CTNNBIP1: variants seen among roughly 807,000 people sequenced by gnomAD.
The protein encoded by CTNNBIP1 is catenin beta interacting protein 1.
A neutral mutation model predicts 11.8 loss-of-function variants in CTNNBIP1; 7 were observed. That is an observed-to-expected ratio of 0.60 (90% CI 0.34 to 1.12). The LOEUF is 1.12. Ranked by LOEUF, CTNNBIP1 falls within the 50% of genes most tolerant of loss-of-function variation. The pLI is 0.03. For synonymous variants in CTNNBIP1, 58 were observed against 43.9 expected, an observed-to-expected ratio of 1.32 and a Z score of -1.26; for missense variants, 101 against 113.4, an observed-to-expected ratio of 0.89 and a Z score of 0.50.
Position 9,867,583 on chromosome 1 carries a change from C to T in CTNNBIP1, c.187+3604G>A, listed in dbSNP as rs889537802. On this transcript the variant is annotated intron_variant, in intron 5 of 5. Coordinates refer to ENST00000377263, the MANE Select transcript of CTNNBIP1 (RefSeq NM_020248.3). This position sits in a 1 kb window ranked among gnomAD's most constrained non-coding sequence, Gnocchi z 4.6. ...CTCAGACCCCCTGCTAGAGGAGTCC[C>T]GGGGTAGATGGAGCCTCCTCTGGCT... 6.6e-5 allele frequency among the ~76,000 whole-genome samples: 10 copies of T among 152,150 alleles called. No homozygotes were observed. Among genetic ancestry groups the T allele is most frequent in the Admixed American group, 2.0e-4 (3 of 15,280 alleles).
intron 5 of CTNNBIP1, among the ~76,000 whole-genome samples, chr1:9,863,312 C>T (rs961921582): frequency 1.3e-5 from 2 of 152,148 alleles, no homozygotes; most frequent in African/African-American, 4.8e-5. Context: ...ACAGGTAATT[C>T]TCATATAAGT....
intron 5 of CTNNBIP1, among the ~76,000 whole-genome samples, chr1:9,866,732 C>T (rs575613514): frequency 6.6e-6 from 1 of 151,452 alleles, no homozygotes; most frequent in Non-Finnish European, 1.5e-5. Context: ...TCTAAGCCTC[C>T]AAAAGTCTCT....
chr1:9,882,414 G>C (rs1314977102), intron 2 of CTNNBIP1, among the ~76,000 whole-genome samples: 1 of 152,220 alleles, frequency 6.6e-6, no homozygotes, highest in Non-Finnish European at 1.5e-5. Flanking sequence ...TGAAGGTTAA[G>C]TTTGAGTCGC....
intron 1 of CTNNBIP1, among the ~76,000 whole-genome samples, chr1:9,892,671 CATAAAG>C (rs1163887484): frequency 1.3e-5 from 2 of 152,094 alleles, no homozygotes; most frequent in Non-Finnish European, 2.9e-5. Flanking sequence ...TGTTAATTTG[CATAAAG>C]ATATAGGTGT....
intron 5 of CTNNBIP1, among the ~76,000 whole-genome samples, chr1:9,855,604 C>G (rs1410300066): frequency 6.6e-6 from 1 of 152,088 alleles, no homozygotes; most frequent in Non-Finnish European, 1.5e-5. Flanking sequence ...GGACTCTTAC[C>G]TTGCAGCATC....
intron 5 of CTNNBIP1, among the ~76,000 whole-genome samples, chr1:9,864,955 G>A (rs550798721): frequency 4.9e-4 from 75 of 152,362 alleles, no homozygotes; most frequent in African/African-American, 1.5e-3. Flanking sequence ...TGGGCTGGGC[G>A]CAGTGGCTCA....
chr1:9,885,259 T>G (rs1478815703), intron 1 of CTNNBIP1, among the ~76,000 whole-genome samples: 1 of 152,084 alleles, frequency 6.6e-6, no homozygotes, highest in African/African-American at 2.4e-5. Flanking sequence ...AAGGTCGACA[T>G]TCCTATCAAT....
In CTNNBIP1 at chr1:9,872,671, G is replaced by A. The variant is rs908108095; in HGVS notation, c.-24-583C>T. Among the ~76,000 whole-genome samples, 3 of 152,178 alleles carry A rather than the reference G, an allele frequency of 2.0e-5. No homozygotes were observed. Among genetic ancestry groups the A allele is most frequent in the Admixed American group, 6.5e-5 (1 of 15,284 alleles). ...CCAAGGGGTCCCTTGATGGAAAGAC[G>A]CTGGCCCAGGGTTGCAGGGCTTGCT... On this transcript the variant is annotated intron_variant, in intron 3 of 5. Transcript: ENST00000377263. The surrounding 1 kb of genome is among the most constrained non-coding windows in gnomAD (Gnocchi z 4.0).
chr1:9,897,131 G>A (rs1639424262), intron 1 of CTNNBIP1, among the ~76,000 whole-genome samples: 1 of 151,926 alleles, frequency 6.6e-6, no homozygotes, highest in Non-Finnish European at 1.5e-5. Flanking sequence ...GGGAGACAAA[G>A]CGAGACTCTG....
At chr1:9,873,262 C>G (rs1278375271) in intron 3 of CTNNBIP1, among the ~76,000 whole-genome samples, 2 of 152,186 alleles carry the variant, frequency 1.3e-5, no homozygotes, top group Admixed American at 1.3e-4. Flanking sequence ...TTCTGCTAAA[C>G]CCCTACAGCC....
At chr1:9,885,521 G>C (rs1639168463) in intron 1 of CTNNBIP1, among the ~76,000 whole-genome samples, 1 of 152,000 alleles carries the variant, frequency 6.6e-6, no homozygotes, top group African/African-American at 2.4e-5. Context: ...GCGTGCACTT[G>C]CAGTCACAGT....
intron 3 of CTNNBIP1, among the ~76,000 whole-genome samples, chr1:9,873,142 T>C (rs1160688965): frequency 6.6e-6 from 1 of 152,142 alleles, no homozygotes; most frequent in Non-Finnish European, 1.5e-5. Context: ...CTGTAGGTAC[T>C]TGTCAACTGC....
chr1:9,851,778 C>T lies in CTNNBIP1; in HGVS notation c.188-1002G>A, dbSNP rs7554923. Among the ~76,000 whole-genome samples the T allele has an allele frequency of 6.6e-6, 1 of 152,208 alleles. No individual in the cohort carries two copies. The highest frequency in any genetic ancestry group is 2.1e-4 in the South Asian group (1 of 4,830). The stretch of plus-strand genomic sequence containing the variant: ...GACAGGCTCTGATGAGTGGCCAGGA[C>T]AGGCAGTGGCAGGAGGGCAAAGCTC... On this transcript the variant is annotated intron_variant, in intron 5 of 5. Coordinates refer to ENST00000377263, the MANE Select transcript of CTNNBIP1 (RefSeq NM_020248.3). This position sits in a 1 kb window ranked among gnomAD's most constrained non-coding sequence, Gnocchi z 4.8.
chr1:9,903,941 C>A (rs1478528701), intron 1 of CTNNBIP1, among the ~76,000 whole-genome samples: 1 of 152,212 alleles, frequency 6.6e-6, no homozygotes, highest in Non-Finnish European at 1.5e-5. Context: ...CTGTTCCCAA[C>A]TAGCTCGACC....
At chr1:9,897,515 G>C (rs1639435096) in intron 1 of CTNNBIP1, among the ~76,000 whole-genome samples, 2 of 152,048 alleles carry the variant, frequency 1.3e-5, no homozygotes, top group Admixed American at 6.5e-5. Context: ...AGCCAGGCAT[G>C]GTGGCGCGTG....
At chr1:9,897,198 T>C (rs1639425526) in intron 1 of CTNNBIP1, among the ~76,000 whole-genome samples, 1 of 152,030 alleles carries the variant, frequency 6.6e-6, no homozygotes, top group Non-Finnish European at 1.5e-5. Context: ...CTCAGGCCTG[T>C]AATCCCAGCA....
At chr1:9,896,639 CCTGA>C (rs1312669869) in intron 1 of CTNNBIP1, among the ~76,000 whole-genome samples, 1 of 152,068 alleles carries the variant, frequency 6.6e-6, no homozygotes, top group African/African-American at 2.4e-5. Context: ...TCAAGACCAG[CCTGA>C]CTAACATGGT....
At chr1:9,885,279 G>A (rs1639163085) in intron 1 of CTNNBIP1, among the ~76,000 whole-genome samples, 1 of 152,174 alleles carries the variant, frequency 6.6e-6, no homozygotes, top group Non-Finnish European at 1.5e-5. Flanking sequence ...TTGAGATGGG[G>A]AGAAGCAAGT....
intron 1 of CTNNBIP1, among the ~76,000 whole-genome samples, chr1:9,904,519 C>A (rs1052646750): frequency 6.6e-6 from 1 of 152,034 alleles, no homozygotes; most frequent in Admixed American, 6.6e-5. Flanking sequence ...CCACTGTGTT[C>A]CTGATCAAGT....
Sources: gnomAD v4.1 joint callset for allele counts (sites outside exome capture counted in the v4.1 genomes callset) on GRCh38, gnomAD v4.1.1 for gene constraint, Gnocchi (gnomAD v3.1) non-coding constraint, MANE v1.5 for transcripts, NCBI Gene and HGNC (gene_info 2026-07-23, HGNC 2026-07-21) for gene names.